GPC5: variants seen among roughly 807,000 people sequenced by gnomAD.
GPC5 encodes glypican 5.
GPC5 carries 47 observed loss-of-function variants against 53.9 expected under a neutral mutation model. That is an observed-to-expected ratio of 0.87 (90% confidence interval 0.69 to 1.11). GPC5 has a LOEUF of 1.11. Ranked by LOEUF, GPC5 falls within the 50% of genes most tolerant of loss-of-function variation. The pLI is 0.00. For synonymous variants in GPC5, 286 were observed against 263.3 expected, an observed-to-expected ratio of 1.09 and a Z score of -0.84; for missense variants, 748 against 713.1, an observed-to-expected ratio of 1.05 and a Z score of -0.56.
chr13:92,332,071 G>A (rs2043291657), intron 7 of GPC5, among the ~76,000 whole-genome samples: 1 of 152,054 alleles, frequency 6.6e-6, no homozygotes, highest in Non-Finnish European at 1.5e-5. Context: ...ACAGTTCATT[G>A]CTAACATCAG....
intron 7 of GPC5, among the ~76,000 whole-genome samples, chr13:92,210,417 C>T (rs549769589): frequency 6.6e-6 from 1 of 152,084 alleles, no homozygotes; most frequent in East Asian, 1.9e-4. Context: ...GGGTTCAGTT[C>T]TCATGTTTTT....
chr13:92,369,049 T>A (rs1368255885), intron 7 of GPC5, among the ~76,000 whole-genome samples: 3 of 152,180 alleles, frequency 2.0e-5, no homozygotes, highest in Admixed American at 2.0e-4. Flanking sequence ...ACAAAAGAAA[T>A]TCGTTCACAA....
intron 7 of GPC5, among the ~76,000 whole-genome samples, chr13:92,192,726 G>A (rs565791233): frequency 2.6e-5 from 4 of 152,104 alleles, no homozygotes; most frequent in African/African-American, 9.7e-5. Flanking sequence ...TTATGTCTAT[G>A]CCCACGTATG....
chr13:92,072,281 T>A (rs1388284359), intron 6 of GPC5, among the ~76,000 whole-genome samples: 1 of 151,218 alleles, frequency 6.6e-6, no homozygotes, highest in Non-Finnish European at 1.5e-5. Context: ...TATTATTATT[T>A]TTTGAGACAG....
At chr13:92,407,392 T>C (rs1351555895) in intron 7 of GPC5, among the ~76,000 whole-genome samples, 3 of 152,206 alleles carry the variant, frequency 2.0e-5, no homozygotes, top group Non-Finnish European at 4.4e-5. Flanking sequence ...CAAGATATTC[T>C]CTATATTTTT....
rs34946580 is a variant in GPC5, at chr13:92,525,437, A to AGTGTGTGTGTGTGTGTGT, written c.1562-340819_1562-340802dup. ...AATGAATCAGAAGTAGATAGATTCAAGTGTGTGTGTGTGTGTGTGTGTGTG... is the reference window on the plus strand; with the variant it reads ...AATGAATCAGAAGTAGATAGATTCAAGTGTGTGTGTGTGTGTGTGTGTGTGTGTGTGTGTGTGTGTGTG... On this transcript the variant is annotated intron_variant, in intron 7 of 7. Coordinates refer to ENST00000377067, the MANE Select transcript of GPC5 (RefSeq NM_004466.6). 4.4e-3 allele frequency among the ~76,000 whole-genome samples: 595 copies of AGTGTGTGTGTGTGTGTGT among 136,644 alleles called. 4 individuals carry two copies. Among genetic ancestry groups the AGTGTGTGTGTGTGTGTGT allele is most frequent in the Non-Finnish European group, 5.5e-3 (346 of 63,164 alleles). The allele number at this position is 136,644 out of a possible 152,430, so 89.6% of individuals were successfully genotyped here.
At chr13:91,685,050 A>G (rs1008909980) in intron 2 of GPC5, among the ~76,000 whole-genome samples, 1 of 152,104 alleles carries the variant, frequency 6.6e-6, no homozygotes, top group Non-Finnish European at 1.5e-5. Context: ...TTGCTTCCTC[A>G]GAGAGGGTTT....
chr13:92,066,446 A>G (rs1357852597), intron 6 of GPC5, among the ~76,000 whole-genome samples: 1 of 151,186 alleles, frequency 6.6e-6, no homozygotes, highest in Non-Finnish European at 1.5e-5. Context: ...AAAAAAAAAA[A>G]GAAAAAAAAC....
intron 6 of GPC5, among the ~76,000 whole-genome samples, chr13:92,101,738 T>C (rs1221322614): frequency 1.3e-5 from 2 of 152,186 alleles, no homozygotes; most frequent in East Asian, 3.8e-4. Context: ...AAGTGACCTG[T>C]TCCAAAAAGT....
At chr13:91,842,736 T>C (rs967834405) in intron 5 of GPC5, among the ~76,000 whole-genome samples, 1 of 150,092 alleles carries the variant, frequency 6.7e-6, no homozygotes, top group Non-Finnish European at 1.5e-5. Context: ...AAAAAGAATG[T>C]TATTTAATTT....
intron 2 of GPC5, among the ~76,000 whole-genome samples, chr13:91,651,208 C>A (rs1186076743): frequency 2.0e-5 from 3 of 150,068 alleles, no homozygotes; most frequent in Non-Finnish European, 4.4e-5. Flanking sequence ...GGTCAAAGAG[C>A]AATTCATCTC....
chr13:91,781,968 T>C (rs561120482), intron 5 of GPC5, among the ~76,000 whole-genome samples: 1 of 139,562 alleles, frequency 7.2e-6, no homozygotes, highest in East Asian at 1.9e-4. Flanking sequence ...ATCACTACTT[T>C]AGGTATTTTT....
intron 1 of GPC5, among the ~76,000 whole-genome samples, chr13:91,446,303 G>A (rs1880799062): frequency 1.3e-5 from 2 of 152,114 alleles, no homozygotes; most frequent in Admixed American, 1.3e-4. Context: ...AACCACTACT[G>A]CTGCTTCTGG....
intron 2 of GPC5, among the ~76,000 whole-genome samples, chr13:91,569,405 C>A (rs1429839392): frequency 1.3e-5 from 2 of 152,106 alleles, no homozygotes; most frequent in African/African-American, 2.4e-5. Context: ...AATTCATCCT[C>A]TCTCTCTGTA....
At chr13:91,848,095 A>G (rs541013720) in intron 5 of GPC5, among the ~76,000 whole-genome samples, 1 of 152,240 alleles carries the variant, frequency 6.6e-6, no homozygotes, top group Non-Finnish European at 1.5e-5. Flanking sequence ...GCTGCCTTTC[A>G]GGCCTAAACT....
chr13:92,860,231 A>G (rs7997883), intron 7 of GPC5, among the ~76,000 whole-genome samples: 67,020 of 151,906 alleles, frequency 0.44, 14,988 homozygotes, highest in South Asian at 0.51. Context: ...TAAGATCAAA[A>G]AGAGAACTAT....
intron 7 of GPC5, among the ~76,000 whole-genome samples, chr13:92,619,181 A>G (rs1199471161): frequency 1.3e-5 from 2 of 151,962 alleles, no homozygotes; most frequent in East Asian, 3.8e-4. Context: ...ATGCATGGAG[A>G]TAATTTTCTG....
chr13:92,766,758 T>A (rs962915927), intron 7 of GPC5, among the ~76,000 whole-genome samples: 1 of 152,238 alleles, frequency 6.6e-6, no homozygotes, highest in Non-Finnish European at 1.5e-5. Flanking sequence ...ATTAGTTGAA[T>A]AAATTCATTT....
At chr13:92,579,540 GA>G (rs1171392615) in intron 7 of GPC5, among the ~76,000 whole-genome samples, 2 of 151,888 alleles carry the variant, frequency 1.3e-5, no homozygotes, top group Non-Finnish European at 2.9e-5. Flanking sequence ...GTATTTATTG[GA>G]TATGGCGTAT....
Sources: allele counts gnomAD v4.1 joint callset (sites outside exome capture counted in the v4.1 genomes callset), GRCh38; gene constraint gnomAD v4.1.1; transcripts MANE v1.5; gene names NCBI Gene and HGNC (gene_info 2026-07-23, HGNC 2026-07-21).